The following MAP3K19 variants were observed in gnomAD, a reference collection of about 807,000 sequenced individuals.
The protein encoded by MAP3K19 is SPS1/STE20-related protein kinase YSK4.
MAP3K19 carries 91 observed loss-of-function variants against 114.4 expected under a neutral mutation model. That is an observed-to-expected ratio of 0.80 (90% CI 0.67 to 0.95). The LOEUF is 0.95. Ranked by LOEUF, MAP3K19 falls within the 40% of genes least tolerant of loss-of-function variation. MAP3K19 has a pLI of 0.00. For synonymous variants in MAP3K19, 518 were observed against 530.5 expected (o/e 0.98, Z 0.32); for missense variants, 1,471 against 1,573.2 (o/e 0.94, Z 1.10).
At chr2:135,029,089 T>C (rs576621182) in intron 3 of MAP3K19, among the ~76,000 whole-genome samples, 57 of 152,274 alleles carry the variant, frequency 3.7e-4, no homozygotes, top group Admixed American at 1.2e-3. Context: ...AAACAGACAT[T>C]GGGCCGGGCG....
At chr2:134,972,253 C>T (rs1573910823) in intron 12 of MAP3K19, among the ~76,000 whole-genome samples, 1 of 152,164 alleles carries the variant, frequency 6.6e-6, no homozygotes, top group Non-Finnish European at 1.5e-5. Flanking sequence ...TATCCTCCTA[C>T]TATCATTCCC....
chr2:135,038,299 ATATT>A (rs1055801386), intron 2 of MAP3K19, among the ~76,000 whole-genome samples: 1 of 151,818 alleles, frequency 6.6e-6, no homozygotes, highest in African/African-American at 2.4e-5. Context: ...TTGTATGTAT[ATATT>A]TATGTATGTA....
At chr2:134,972,390 A>C (rs57026877) in intron 12 of MAP3K19, among the ~76,000 whole-genome samples, 1 of 152,146 alleles carries the variant, frequency 6.6e-6, no homozygotes, top group East Asian at 1.9e-4. Context: ...CACTTAACAT[A>C]ATCTGATCTT....
At chr2:134,966,268 C>T (rs867361813) in intron 12 of MAP3K19, among the ~76,000 whole-genome samples, 9 of 152,074 alleles carry the variant, frequency 5.9e-5, no homozygotes, top group African/African-American at 1.7e-4. Context: ...CTGGATCACA[C>T]GGCAGGTAGT....
chr2:134,990,767 C>A (rs1046732803), intron 9 of MAP3K19, among the ~76,000 whole-genome samples: 1 of 152,128 alleles, frequency 6.6e-6, no homozygotes, highest in Non-Finnish European at 1.5e-5. Flanking sequence ...AGCCACCACA[C>A]CTGGCCCCTT....
intron 6 of MAP3K19, 132 bp from the exon 7 acceptor site, chr2:135,000,147 G>A (rs1209718684): frequency 1.5e-6 from 1 of 646,208 alleles, no homozygotes; most frequent in African/African-American, 1.8e-5. Context: ...AGGAGCTGAG[G>A]TTTAGCCATC....
Position 134,987,824 on chromosome 2 carries a change from C to G in MAP3K19, c.1048G>C (p.Asp350His), listed in dbSNP as rs1448379884. Residue 350 changes from aspartate to histidine, a missense_variant, in exon 10 of 13, where the codon GAC becomes CAC. Transcript: ENST00000392915. ...NIPAVREEDIDCHGSKTRKPE... is the reference protein window; with the variant it reads ...NIPAVREEDIHCHGSKTRKPE... ...TTTCGCGTTTTACTACCATGGCAGTCAATATCCTCTTCCCTAACTGCAGGA... is the reference window on the plus strand; with the variant it reads ...TTTCGCGTTTTACTACCATGGCAGTGAATATCCTCTTCCCTAACTGCAGGA... 1 of 1,608,750 alleles carries G rather than the reference C, an allele frequency of 6.2e-7. No homozygotes were observed.
intron 8 of MAP3K19, among the ~76,000 whole-genome samples, chr2:134,996,582 G>C (rs1400536207): frequency 6.6e-6 from 1 of 152,162 alleles, no homozygotes. Flanking sequence ...ACTTCCCAGA[G>C]GAAGGGGTTT....
At chr2:135,021,574 G>A (rs138600859) in intron 5 of MAP3K19, 141 bp downstream of exon 5, 1 of 583,080 alleles carries the variant, frequency 1.7e-6, no homozygotes, top group Non-Finnish European at 3.0e-6. Flanking sequence ...TTTCAGAAGA[G>A]TGTCTTACCA....
intron 2 of MAP3K19, among the ~76,000 whole-genome samples, chr2:135,034,736 C>T (rs1003250068): frequency 7.0e-6 from 1 of 142,618 alleles, no homozygotes; most frequent in Non-Finnish European, 1.5e-5. Flanking sequence ...TGCAGTGAGC[C>T]GAGATGGCAG....
intron 3 of MAP3K19, among the ~76,000 whole-genome samples, chr2:135,026,710 GA>G (rs1312954284): frequency 3.3e-5 from 5 of 152,090 alleles, no homozygotes; most frequent in Non-Finnish European, 5.9e-5. Context: ...GTAATTTTAA[GA>G]TAACTTGAAA....
chr2:134,985,870 T>C lies in MAP3K19; in HGVS notation c.3002A>G (p.Asn1001Ser). 3 of 1,614,012 alleles carry C rather than the reference T, an allele frequency of 1.9e-6. No individual in the cohort carries two copies. The highest frequency in any genetic ancestry group is 2.5e-6 in the Non-Finnish European group (3 of 1,179,982). The change falls in exon 10 of 13, where the codon AAT (asparagine) becomes AGT (serine). Residue 1001 changes from asparagine (N) to serine (S), a missense_variant. Coordinates refer to ENST00000392915, the MANE Select transcript of MAP3K19 (RefSeq NM_025052.5). ...MANETDPENL[N>S]LVLRWRGSTP... Reference sequence around the variant, plus strand: ...ACTTCCTCTCCATCTGAGGACAAGATTTAGGTTTTCAGGATCTGTTTCATT... The same window carrying C: ...ACTTCCTCTCCATCTGAGGACAAGACTTAGGTTTTCAGGATCTGTTTCATT...
intron 8 of MAP3K19, among the ~76,000 whole-genome samples, chr2:134,993,660 T>C (rs1573970066): frequency 6.6e-6 from 1 of 152,250 alleles, no homozygotes; most frequent in East Asian, 1.9e-4. Flanking sequence ...AAAAAAACGC[T>C]TTCAAGTATT....
chr2:135,026,241 T>C (rs182047269), intron 3 of MAP3K19, among the ~76,000 whole-genome samples: 73 of 152,314 alleles, frequency 4.8e-4, no homozygotes, highest in Middle Eastern at 3.4e-3. Context: ...GATAAACTCA[T>C]TGGGGCCTCT....
At position 135,047,401 on chromosome 2, in the gene MAP3K19, A is replaced by G. The variant is rs1265166776; in HGVS notation, c.-640T>C. 6.6e-6 allele frequency: 1 copy of G among 152,184 alleles called. No individual in the cohort carries two copies. The highest frequency in any genetic ancestry group is 2.4e-5 in the African/African-American group (1 of 41,440). The allele number at this position is 152,184 out of a possible 1,614,324, so 9.4% of individuals were successfully genotyped here. A position where few individuals can be genotyped will look rare whatever the true frequency, so the allele number is the denominator to read the frequency against. ...TTCCTTTTAAATTTTGTCTTTAATT[A>G]AGCTGGTCCTGCATGCACAAACCCT... On this transcript the variant is annotated 5_prime_UTR_variant, in exon 1 of 13. Coordinates refer to ENST00000392915, the MANE Select transcript of MAP3K19 (RefSeq NM_025052.5).
At chr2:135,028,569 A>G (rs1688307981) in intron 3 of MAP3K19, among the ~76,000 whole-genome samples, 1 of 152,062 alleles carries the variant, frequency 6.6e-6, no homozygotes. Context: ...AAAAAAAAAA[A>G]AAAAATTTAA....
chr2:135,023,295 C>G (rs1233640961), intron 4 of MAP3K19: 2 of 372,588 alleles, frequency 5.4e-6, no homozygotes, highest in South Asian at 2.1e-5. Flanking sequence ...TCCTCCTCCT[C>G]TCACTTCCTG....
chr2:135,007,758 T>C (rs1686936617), intron 5 of MAP3K19, among the ~76,000 whole-genome samples: 1 of 152,192 alleles, frequency 6.6e-6, no homozygotes, highest in Admixed American at 6.5e-5. Flanking sequence ...ATTTCACTGC[T>C]TAACCTTCTC....
rs759900754 is a variant in MAP3K19 at position 134,986,964 on chromosome 2, C to T, written c.1908G>A (p.Glu636=). ...SCVPLSVQPT[E]PRLNYLDLKY... ...TAAGATCTAGGTAATTTAGTCTTGGCTCTGTCGGTTGAACAGAGAGAGGAA... is the reference window on the plus strand; with the variant it reads ...TAAGATCTAGGTAATTTAGTCTTGGTTCTGTCGGTTGAACAGAGAGAGGAA... Residue 636 remains glutamate (E), a synonymous_variant, in exon 10 of 13, where the codon GAG becomes GAA. Transcript: ENST00000392915. The T allele has an allele frequency of 2.3e-5, 37 of 1,613,738 alleles. No individual in the cohort carries two copies. The highest frequency in any genetic ancestry group is 3.0e-5 in the Non-Finnish European group (35 of 1,180,022).
Sources: gnomAD v4.1 joint callset for allele counts (sites outside exome capture counted in the v4.1 genomes callset) on GRCh38, gnomAD v4.1.1 for gene constraint, MANE v1.5 for transcripts, NCBI Gene and HGNC (gene_info 2026-07-23, HGNC 2026-07-21) for gene names.